Variants in RBM19 observed in about 807,000 individuals in gnomAD.
The protein encoded by RBM19 is probable RNA-binding protein 19.
In RBM19, 94 loss-of-function variants were observed where a neutral mutation model predicts 116.8. The ratio of observed to expected loss-of-function variants is 0.80; its 90% CI spans 0.68 to 0.95. The LOEUF is 0.95. Ranked by LOEUF, RBM19 falls within the 40% of genes least tolerant of loss-of-function variation. The pLI is 0.00. For missense variants in RBM19, 1,161 were observed against 1,220.7 expected (o/e 0.95, Z 0.73); for synonymous variants, 475 against 494.1 (o/e 0.96, Z 0.51).
chr12:113,885,335 A>G (rs890589856), intron 21 of RBM19, among the ~76,000 whole-genome samples: 3 of 152,236 alleles, frequency 2.0e-5, no homozygotes, highest in Admixed American at 6.5e-5. Flanking sequence ...GGGAACTTCT[A>G]CAAGGCAACT....
chr12:113,891,345 G>C (rs1205865665), intron 21 of RBM19, among the ~76,000 whole-genome samples: 1 of 152,186 alleles, frequency 6.6e-6, no homozygotes, highest in Admixed American at 6.5e-5. Context: ...AGCACAACTT[G>C]TTTAGAAAAG....
At chr12:113,935,607 T>G (rs1869985351) in intron 16 of RBM19, among the ~76,000 whole-genome samples, 1 of 152,180 alleles carries the variant, frequency 6.6e-6, no homozygotes, top group African/African-American at 2.4e-5. Context: ...GTTTCCTGAT[T>G]GAAACAGGCC....
chr12:113,872,906 C>T (rs1593515403), intron 21 of RBM19, among the ~76,000 whole-genome samples: 7 of 124,424 alleles, frequency 5.6e-5, no homozygotes, highest in Non-Finnish European at 8.9e-5. Context: ...CCCGGCCAGC[C>T]GCCCCGTCCG....
At chr12:113,926,712 G>A (rs1043339760) in intron 17 of RBM19, among the ~76,000 whole-genome samples, 3 of 152,292 alleles carry the variant, frequency 2.0e-5, no homozygotes, top group South Asian at 2.1e-4. Context: ...TATTCCCAGC[G>A]GGCGAGAGGA....
At chr12:113,938,198 G>A (rs944395474) in intron 15 of RBM19, among the ~76,000 whole-genome samples, 1 of 152,110 alleles carries the variant, frequency 6.6e-6, no homozygotes, top group African/African-American at 2.4e-5. Flanking sequence ...TCCTCCCAAA[G>A]CAGAAGGAAG....
intron 16 of RBM19, among the ~76,000 whole-genome samples, chr12:113,931,011 C>T (rs1270678067): frequency 6.6e-6 from 1 of 152,134 alleles, no homozygotes; most frequent in South Asian, 2.1e-4. Context: ...CAAACAAAAA[C>T]CCCAAAGTCA....
At chr12:113,922,571 G>A (rs1868680027) in intron 18 of RBM19, among the ~76,000 whole-genome samples, 1 of 151,784 alleles carries the variant, frequency 6.6e-6, no homozygotes, top group South Asian at 2.1e-4. Flanking sequence ...TGGCCTGGGT[G>A]CACCTCTGTC....
intron 16 of RBM19, among the ~76,000 whole-genome samples, chr12:113,930,158 C>T (rs1309792713): frequency 6.6e-6 from 1 of 152,252 alleles, no homozygotes; most frequent in African/African-American, 2.4e-5. Context: ...CTCATTGAAA[C>T]CTCAGTGCTC....
At chr12:113,957,189 C>T (rs1872019044) in intron 6 of RBM19, among the ~76,000 whole-genome samples, 1 of 152,202 alleles carries the variant, frequency 6.6e-6, no homozygotes. Flanking sequence ...ACTAGCATCT[C>T]ACTTTTAACT....
intron 21 of RBM19, among the ~76,000 whole-genome samples, chr12:113,874,591 G>GCTC (rs1879526639): frequency 6.6e-6 from 1 of 152,220 alleles, no homozygotes; most frequent in Non-Finnish European, 1.5e-5. Context: ...CCACCCTGGG[G>GCTC]ACAGTAACCA....
chr12:113,868,396 T>G (rs1878992776), intron 21 of RBM19, among the ~76,000 whole-genome samples: 1 of 152,226 alleles, frequency 6.6e-6, no homozygotes, highest in Non-Finnish European at 1.5e-5. Context: ...AATAGAGTTT[T>G]AAAAATCAGA....
At chr12:113,881,622 CCTCT>C (rs1298177918) in intron 21 of RBM19, among the ~76,000 whole-genome samples, 2 of 152,272 alleles carry the variant, frequency 1.3e-5, no homozygotes, top group East Asian at 3.9e-4. Flanking sequence ...GACGTGGCAG[CCTCT>C]CTCTTTCCCT....
At chr12:113,910,349 C>G (rs71467943) in intron 21 of RBM19, among the ~76,000 whole-genome samples, 1 of 152,168 alleles carries the variant, frequency 6.6e-6, no homozygotes. Context: ...CCAAACTTCC[C>G]GATTCTTCTA....
rs1007997661 is a variant in RBM19, at chr12:113,903,690, C to A, written c.2558+11279G>T. ...TTACATGTATATTCATTTGTTTGTACCCTCAGCAGAAATCTGATTTTCGGT... is the reference window on the plus strand; with the variant it reads ...TTACATGTATATTCATTTGTTTGTAACCTCAGCAGAAATCTGATTTTCGGT... On this transcript the variant is annotated intron_variant, in intron 21 of 23. Coordinates refer to ENST00000261741, the MANE Select transcript of RBM19 (RefSeq NM_016196.4). The surrounding 1 kb of genome is among the most constrained non-coding windows in gnomAD (Gnocchi z 5.1). Among the ~76,000 whole-genome samples, 2 of 152,174 alleles carry A rather than the reference C, an allele frequency of 1.3e-5. No homozygotes were observed. Among genetic ancestry groups the A allele is most frequent in the African/African-American group, 2.4e-5 (1 of 41,436 alleles).
At chr12:113,818,498 G>T (rs1874204521), downstream of RBM19, among the ~76,000 whole-genome samples, 1 of 152,196 alleles carries the variant, frequency 6.6e-6, no homozygotes, top group Admixed American at 6.5e-5. Flanking sequence ...TCTGGACGTG[G>T]GCCCAGCTGG....
chr12:113,959,449 AGAGG>A (rs1437496663), intron 4 of RBM19, 45 bp from the exon 5 acceptor site: 1 of 1,574,366 alleles, frequency 6.4e-7, no homozygotes, highest in Non-Finnish European at 8.7e-7. Flanking sequence ...GGAAAAAGAG[AGAGG>A]AAGAGGCAGA....
chr12:113,936,395 C>T (rs1285231065), intron 16 of RBM19, among the ~76,000 whole-genome samples: 1 of 152,210 alleles, frequency 6.6e-6, no homozygotes, highest in African/African-American at 2.4e-5. Context: ...GGGGGTGTTC[C>T]AGGTTGTCAC....
chr12:113,855,995 A>G (rs1877868337), intron 22 of RBM19, among the ~76,000 whole-genome samples: 1 of 152,214 alleles, frequency 6.6e-6, no homozygotes, highest in Admixed American at 6.5e-5. Context: ...TGCAGGAAAG[A>G]TGTGCTTGTG....
chr12:113,939,632 C>G (rs1379723641), intron 15 of RBM19, among the ~76,000 whole-genome samples: 1 of 152,064 alleles, frequency 6.6e-6, no homozygotes, highest in East Asian at 1.9e-4. Context: ...TGCCTGTAGT[C>G]CCAGCTACTT....
Sources: allele counts gnomAD v4.1 joint callset (sites outside exome capture counted in the v4.1 genomes callset), GRCh38; gene constraint gnomAD v4.1.1; non-coding constraint Gnocchi (gnomAD v3.1); transcripts MANE v1.5; gene names NCBI Gene and HGNC (gene_info 2026-07-23, HGNC 2026-07-21).